Variants in GYG2 observed in about 807,000 individuals in gnomAD.
GYG2 encodes glycogenin-2.
GYG2 carries 29 observed loss-of-function variants against 29.4 expected under a neutral mutation model. That is an observed-to-expected ratio of 0.99 (90% CI 0.74 to 1.35). The LOEUF (loss-of-function observed/expected upper bound fraction) is 1.35. Ranked by LOEUF, GYG2 falls within the 40% of genes most tolerant of loss-of-function variation. The pLI, the probability that GYG2 is intolerant of heterozygous loss-of-function variation, is 0.00. For synonymous variants in GYG2, 167 were observed against 172.3 expected, an observed-to-expected ratio of 0.97 and a Z score of 0.24; for missense variants, 370 against 385.7, an observed-to-expected ratio of 0.96 and a Z score of 0.34.
intron 2 of GYG2, among the ~76,000 whole-genome samples, chrX:2,834,675 G>T (rs1380836676): frequency 2.7e-5 from 3 of 111,986 alleles, no homozygotes; most frequent in Non-Finnish European, 5.6e-5. Context: ...AATGCACTGA[G>T]AGCACGTCAT....
chrX:2,864,303 A>G lies in GYG2; in HGVS notation c.1038+2581A>G, dbSNP rs757876759. ...AGGTATCAATATGCGTAAGAAGTAC[A>G]TTGGTTCAGTCCGGCAAGGCGGGAC... On this transcript the variant is annotated intron_variant, in intron 8 of 10. Coordinates refer to ENST00000398806, the MANE Select transcript of GYG2 (RefSeq NM_001079855.2). 1.1e-3 allele frequency among the ~76,000 whole-genome samples: 123 copies of G among 111,544 alleles called. 3 individuals carry two copies. Among genetic ancestry groups the G allele is most frequent in the African/African-American group, 3.9e-3 (119 of 30,710 alleles).
intron 3 of GYG2, among the ~76,000 whole-genome samples, chrX:2,843,734 A>T (rs983958205): frequency 1.8e-5 from 2 of 111,468 alleles, no homozygotes; most frequent in Non-Finnish European, 3.8e-5. Context: ...GGCTCAAGCG[A>T]TCTTCCCTCC....
chrX:2,831,173 G>A (rs779484742), intron 2 of GYG2, among the ~76,000 whole-genome samples: 1 of 112,626 alleles, frequency 8.9e-6, no homozygotes, highest in African/African-American at 3.2e-5. Flanking sequence ...CCTCCTTCTT[G>A]TACCAGACCA....
At chrX:2,877,367 G>A (rs1229351685) in intron 10 of GYG2, 60 bp downstream of exon 10, 1 of 1,181,074 alleles carries the variant, frequency 8.5e-7, no homozygotes, top group African/African-American at 1.8e-5. Context: ...CACCGTCACT[G>A]AGGTCAACTG....
intron 8 of GYG2, among the ~76,000 whole-genome samples, chrX:2,869,028 AAAG>A (rs2088382229): frequency 9.2e-6 from 1 of 109,131 alleles, no homozygotes; most frequent in South Asian, 4.0e-4. Flanking sequence ...AAAAAAAAAA[AAAG>A]AGGGATGCTG....
At chrX:2,865,903 G>A (rs1226814265) in intron 8 of GYG2, among the ~76,000 whole-genome samples, 1 of 111,475 alleles carries the variant, frequency 9.0e-6, no homozygotes, top group Non-Finnish European at 1.9e-5. Context: ...CGAAGGAGAG[G>A]AAATTAGTAT....
chrX:2,844,108 TA>T (rs1239834982), intron 3 of GYG2, among the ~76,000 whole-genome samples: 1 of 112,369 alleles, frequency 8.9e-6, no homozygotes, highest in African/African-American at 3.2e-5. Context: ...ATGGACCACT[TA>T]AAAAAATTGA....
At chrX:2,871,263 G>C (rs1362345655) in intron 8 of GYG2, among the ~76,000 whole-genome samples, 1 of 109,874 alleles carries the variant, frequency 9.1e-6, no homozygotes, top group Non-Finnish European at 1.9e-5. Context: ...CAGTTTCTCA[G>C]CTTCCCAGCC....
intron 2 of GYG2, among the ~76,000 whole-genome samples, chrX:2,840,099 C>T (rs766069365): frequency 1.2e-4 from 13 of 112,235 alleles, no homozygotes; most frequent in African/African-American, 3.9e-4. Flanking sequence ...CTAAGCAGGT[C>T]GTATGTTTAG....
rs779199982 is a variant in GYG2, at chrX:2,863,657, C to T, written c.1038+1935C>T. ...GAAGAATGTCGGAGTGGTGATTTCACATTGACCCAAACACATTGAAAAGAT... is the reference window on the plus strand; with the variant it reads ...GAAGAATGTCGGAGTGGTGATTTCATATTGACCCAAACACATTGAAAAGAT... On this transcript the variant is annotated intron_variant, in intron 8 of 10. Transcript: ENST00000398806. Among the ~76,000 whole-genome samples, 16 of 112,408 alleles carry T rather than the reference C, an allele frequency of 1.4e-4. No individual in the cohort carries two copies. The South Asian group carries it at 5.5e-3, about 39-fold the overall frequency.
intron 8 of GYG2, among the ~76,000 whole-genome samples, chrX:2,866,782 C>G (rs1053952314): frequency 9.1e-5 from 10 of 109,643 alleles, no homozygotes; most frequent in Non-Finnish European, 1.5e-4. Flanking sequence ...CTGTGTACCC[C>G]ATGAATATGT....
At position 2,851,980 on chromosome X, in the gene GYG2, C is replaced by T. The variant is rs762756905; in HGVS notation, c.150-2000C>T. On this transcript the variant is annotated intron_variant, in intron 3 of 10. Transcript: ENST00000398806. ...TATTCAATAGTTATATTAGGTCAGGCGTGGTGGCTCATGCCTGTAATCCCA... is the reference window on the plus strand; with the variant it reads ...TATTCAATAGTTATATTAGGTCAGGTGTGGTGGCTCATGCCTGTAATCCCA... 2.9e-4 allele frequency among the ~76,000 whole-genome samples: 33 copies of T among 112,184 alleles called. No individual in the cohort carries two copies. In the South Asian group the frequency reaches 3.3e-3, roughly 11 times the overall value.
intron 10 of GYG2, among the ~76,000 whole-genome samples, chrX:2,879,773 A>G (rs751233987): frequency 1.8e-5 from 2 of 112,093 alleles, no homozygotes; most frequent in African/African-American, 6.5e-5. Flanking sequence ...GAACGGATGG[A>G]TGGATGGATG....
At position 2,837,903 on chromosome X, in the gene GYG2, G is replaced by A. The variant is rs145607006; in HGVS notation, c.8-5310G>A. 5.3e-3 allele frequency among the ~76,000 whole-genome samples: 582 copies of A among 109,645 alleles called. 2 individuals are homozygous for A. The highest frequency in any genetic ancestry group is 0.018 in the African/African-American group (549 of 30,111). On this transcript the variant is annotated intron_variant, in intron 2 of 10. Coordinates refer to ENST00000398806, the MANE Select transcript of GYG2 (RefSeq NM_001079855.2). ...CACACACGTTTTCTTTTTAAAGACAGGGCTCTGCTCTGTAACCCAAGCTGG... is the reference window on the plus strand; with the variant it reads ...CACACACGTTTTCTTTTTAAAGACAAGGCTCTGCTCTGTAACCCAAGCTGG...
intron 8 of GYG2, among the ~76,000 whole-genome samples, chrX:2,869,418 TCCCGGTGGTCTTTG>T (rs1305976734): frequency 9.0e-6 from 1 of 111,193 alleles, no homozygotes; most frequent in Non-Finnish European, 1.9e-5. Flanking sequence ...TAATTCGTAC[TCCCGGTGGTCTTTG>T]AAATGAGTCG....
chrX:2,851,423 T>C (rs1171280256), intron 3 of GYG2, among the ~76,000 whole-genome samples: 3 of 111,615 alleles, frequency 2.7e-5, no homozygotes, highest in Non-Finnish European at 3.8e-5. Flanking sequence ...TTTGTATTTT[T>C]AGTAGAGACG....
intron 8 of GYG2, among the ~76,000 whole-genome samples, chrX:2,863,586 C>T (rs778074657): frequency 1.8e-5 from 2 of 112,490 alleles, no homozygotes; most frequent in Admixed American, 1.9e-4. Context: ...ACACCACACG[C>T]TTCACTGTAC....
chrX:2,856,737 C>CTATCT (rs755581334), intron 6 of GYG2, 113 bp downstream of exon 6: 23 of 418,322 alleles, frequency 5.5e-5, no homozygotes, highest in Non-Finnish European at 3.5e-5. Flanking sequence ...ATCTATCTAT[C>CTATCT]ATCTATCTAT....
intron 2 of GYG2, among the ~76,000 whole-genome samples, chrX:2,837,551 A>T (rs1201458453): frequency 9.1e-6 from 1 of 109,586 alleles, no homozygotes; most frequent in Non-Finnish European, 1.9e-5. Flanking sequence ...TCTCAAAACA[A>T]CGCCCCTCCT....
Sources: gnomAD v4.1 joint callset for allele counts (sites outside exome capture counted in the v4.1 genomes callset) on GRCh38, gnomAD v4.1.1 for gene constraint, MANE v1.5 for transcripts, NCBI Gene and HGNC (gene_info 2026-07-23, HGNC 2026-07-21) for gene names.